The following PCDHA12 variants were observed in gnomAD, a reference collection of about 807,000 sequenced individuals.
PCDHA12 encodes the protein protocadherin alpha 12, also known as protocadherin alpha-12.
PCDHA12 carries 44 observed loss-of-function variants against 60.0 expected under a neutral mutation model. That is an observed-to-expected ratio of 0.73 (90% CI 0.58 to 0.94). The LOEUF (loss-of-function observed/expected upper bound fraction) is 0.94. Ranked by LOEUF, PCDHA12 falls within the 40% of genes least tolerant of loss-of-function variation. The probability of loss-of-function intolerance (pLI) is 0.00; values close to 1 mark genes in which losing one functional copy is unlikely to be tolerated. For missense variants in PCDHA12, 1,276 were observed against 1,239.7 expected (o/e 1.03, Z -0.44); for synonymous variants, 569 against 553.0 (o/e 1.03, Z -0.40).
At chr5:140,997,264 A>G (rs1554255813) in intron 3 of PCDHA12, among the ~76,000 whole-genome samples, 3 of 152,154 alleles carry the variant, frequency 2.0e-5, no homozygotes. Context: ...CACTCTTCCA[A>G]ATATTTCTTG....
chr5:140,882,119 T>C, intron 1 of PCDHA12: 1 of 1,438,056 alleles, frequency 7.0e-7, no homozygotes, highest in South Asian at 1.4e-5. Context: ...AGCCGCCGTT[T>C]CTTTCTTCCT....
chr5:140,943,006 C>A (rs1314561126), intron 1 of PCDHA12, among the ~76,000 whole-genome samples: 2 of 151,932 alleles, frequency 1.3e-5, no homozygotes, highest in East Asian at 3.9e-4. Flanking sequence ...CCTGTAATCC[C>A]AGCACTTTGG....
At chr5:140,902,301 G>A (rs943083254) in intron 1 of PCDHA12, among the ~76,000 whole-genome samples, 1 of 149,570 alleles carries the variant, frequency 6.7e-6, no homozygotes, top group African/African-American at 2.5e-5. Context: ...GCCTCCCAAA[G>A]TGCTGGGATT....
intron 1 of PCDHA12, among the ~76,000 whole-genome samples, chr5:140,894,449 A>G (rs1227566097): frequency 6.6e-6 from 1 of 151,950 alleles, no homozygotes; most frequent in Non-Finnish European, 1.5e-5. Flanking sequence ...TCTTTTTTAA[A>G]AAATATTTTA....
chr5:140,999,628 G>C (rs1169273057), intron 3 of PCDHA12, among the ~76,000 whole-genome samples: 2 of 152,182 alleles, frequency 1.3e-5, no homozygotes, highest in Admixed American at 1.3e-4. Context: ...AGGAAACAAG[G>C]TAGAGAAAAC....
In PCDHA12 at chr5:140,876,459, C is replaced by T. The variant is rs2056359218; in HGVS notation, c.987C>T (p.Ser329=). The change falls in exon 1 of 4, where the codon TCC becomes TCT. Residue 329 remains serine (S), a synonymous_variant. Coordinates refer to ENST00000398631, the MANE Select transcript of PCDHA12 (RefSeq NM_018903.4). Reference sequence around the variant, plus strand: ...ACGCCATTGATAAAGGGATTCCTTCCATGGCAGGTCACAGCATGGTCCTGG... The same window carrying T: ...ACGCCATTGATAAAGGGATTCCTTCTATGGCAGGTCACAGCATGGTCCTGG... ...QVNAIDKGIP[S]MAGHSMVLVE... is the part of the protein sequence containing the mutation. 6.2e-7 allele frequency: 1 copy of T among 1,613,878 alleles called. No homozygotes were observed. Among genetic ancestry groups the T allele is most frequent in the Non-Finnish European group, 8.5e-7 (1 of 1,179,896 alleles).
At chr5:140,882,646 T>C (rs1554175002) in intron 1 of PCDHA12, 1 of 1,614,112 alleles carries the variant, frequency 6.2e-7, no homozygotes, top group South Asian at 1.1e-5. Flanking sequence ...TGAGGGACAT[T>C]AACGACAACC....
intron 1 of PCDHA12, chr5:140,884,562 A>G (rs782650365): frequency 3.1e-6 from 5 of 1,614,166 alleles, no homozygotes; most frequent in Admixed American, 1.7e-5. Flanking sequence ...GAGGGCCCGC[A>G]TAAGACGGAC....
At position 140,882,980 on chromosome 5, in the gene PCDHA12, A is replaced by T. The variant is rs782593392; in HGVS notation, c.2367+5141A>T. On this transcript the variant is annotated intron_variant, in intron 1 of 3. Coordinates refer to ENST00000398631, the MANE Select transcript of PCDHA12 (RefSeq NM_018903.4). ...CATCACGATTCTGGACGTGAATGAC[A>T]ACGCCCCGGAATTTTACCAATCCGT... 34 of 1,614,072 alleles carry T rather than the reference A, an allele frequency of 2.1e-5. No homozygotes were observed. Among genetic ancestry groups the T allele is most frequent in the African/African-American group, 2.7e-5 (2 of 74,926 alleles).
intron 1 of PCDHA12, among the ~76,000 whole-genome samples, chr5:140,889,253 G>A (rs1272394693): frequency 6.6e-6 from 1 of 151,724 alleles, no homozygotes; most frequent in Non-Finnish European, 1.5e-5. Flanking sequence ...TCTGTTTCCT[G>A]TAAAAGTTTG....
chr5:140,907,697 C>T (rs1425951971), intron 1 of PCDHA12, among the ~76,000 whole-genome samples: 2 of 152,202 alleles, frequency 1.3e-5, no homozygotes, highest in African/African-American at 2.4e-5. Context: ...GTGGAAGTCC[C>T]TGTTGCTGAG....
At position 141,009,762 on chromosome 5, in the gene PCDHA12, C is replaced by G. The variant is rs2154001658; in HGVS notation, c.2651C>G (p.Ser884Cys). Reference sequence around the variant, plus strand: ...CCCGACAAATTCATTATCCCAGGATCTCCTGCAATCATCTCCATCCGGCAG... The same window carrying G: ...CCCGACAAATTCATTATCCCAGGATGTCCTGCAATCATCTCCATCCGGCAG... Reference protein sequence around the residue: ...ELPDKFIIPGSPAIISIRQEP... With the variant: ...ELPDKFIIPGCPAIISIRQEP... The change falls in exon 4 of 4, where the codon TCT becomes TGT. Residue 884 changes from serine (S) to cysteine (C), a missense_variant. Coordinates refer to ENST00000398631, the MANE Select transcript of PCDHA12 (RefSeq NM_018903.4). 5 of 1,614,180 alleles carry G rather than the reference C, an allele frequency of 3.1e-6. No homozygotes were observed. In the East Asian group the frequency reaches 1.1e-4, roughly 36 times the overall value.
intron 1 of PCDHA12, among the ~76,000 whole-genome samples, chr5:140,971,149 G>C (rs2096459410): frequency 1.3e-5 from 2 of 152,200 alleles, no homozygotes; most frequent in Admixed American, 1.3e-4. Context: ...GAACAAGTCA[G>C]GCCAGGCTCA....
chr5:140,882,996 A>G lies in PCDHA12; in HGVS notation c.2367+5157A>G, dbSNP rs782381110. On this transcript the variant is annotated intron_variant, in intron 1 of 3. Transcript: ENST00000398631. The stretch of plus-strand genomic sequence containing the variant: ...GTGAATGACAACGCCCCGGAATTTT[A>G]CCAATCCGTTTATAAAGTGACGGTG... 2.9e-5 allele frequency: 46 copies of G among 1,614,024 alleles called. No individual in the cohort carries two copies. The Middle Eastern group carries it at 4.9e-4, about 17-fold the overall frequency.
At chr5:140,946,872 T>C (rs983892070) in intron 1 of PCDHA12, among the ~76,000 whole-genome samples, 7 of 151,402 alleles carry the variant, frequency 4.6e-5, no homozygotes, top group Admixed American at 1.3e-4. Flanking sequence ...GGTTGGTCAA[T>C]GGGTACGAAG....
chr5:140,945,022 A>G (rs926595272), intron 1 of PCDHA12, among the ~76,000 whole-genome samples: 2 of 152,140 alleles, frequency 1.3e-5, no homozygotes, highest in Non-Finnish European at 2.9e-5. Flanking sequence ...TTTTTTACTC[A>G]GACATAATTA....
Position 141,009,979 on chromosome 5 carries a change from T to C in PCDHA12, c.*42T>C. 2.5e-6 allele frequency: 4 copies of C among 1,583,392 alleles called. No individual in the cohort carries two copies. Among genetic ancestry groups the C allele is most frequent in the Non-Finnish European group, 3.4e-6 (4 of 1,168,152 alleles). On this transcript the variant is annotated 3_prime_UTR_variant, in exon 4 of 4. Coordinates refer to ENST00000398631, the MANE Select transcript of PCDHA12 (RefSeq NM_018903.4). The stretch of plus-strand genomic sequence containing the variant: ...CAAGCCACTTAGCCAGTTTTTGTAA[T>C]AATGGCAAATCTCTCCCATGTAGCA...
chr5:140,875,853 C>T lies in PCDHA12; in HGVS notation c.381C>T (p.Asn127=), dbSNP rs2055871558. The T allele has an allele frequency of 6.2e-7, 1 of 1,614,162 alleles. No homozygotes were observed. The highest frequency in any genetic ancestry group is 1.3e-5 in the African/African-American group (1 of 75,034). The change falls in exon 1 of 4, where the codon AAC becomes AAT. Residue 127 remains asparagine (N), a synonymous_variant. Coordinates refer to ENST00000398631, the MANE Select transcript of PCDHA12 (RefSeq NM_018903.4). ...FHVDVEVKDI[N]DNPPVFRERE... ...TGGACGTGGAGGTGAAGGACATTAA[C>T]GACAACCCGCCGGTGTTCAGAGAAA...
Position 140,949,482 on chromosome 5 carries a change from A to G in PCDHA12, c.2368-29467A>G, listed in dbSNP as rs1435722195. Among the ~76,000 whole-genome samples, 4 of 151,834 alleles carry G rather than the reference A, an allele frequency of 2.6e-5. No homozygotes were observed. The South Asian group carries it at 8.3e-4, about 31-fold the overall frequency. ...TGAAGCCCTGTTATTAGGCACACACATTGATGATTATTATAATTTCCTGAT... is the reference window on the plus strand; with the variant it reads ...TGAAGCCCTGTTATTAGGCACACACGTTGATGATTATTATAATTTCCTGAT... On this transcript the variant is annotated intron_variant, in intron 1 of 3. Transcript: ENST00000398631.
Sources: gnomAD v4.1 joint callset for allele counts (sites outside exome capture counted in the v4.1 genomes callset) on GRCh38, gnomAD v4.1.1 for gene constraint, MANE v1.5 for transcripts, NCBI Gene and HGNC (gene_info 2026-07-23, HGNC 2026-07-21) for gene names.